JAKMIP2: variants seen among roughly 807,000 people sequenced by gnomAD.
JAKMIP2 encodes the protein janus kinase and microtubule interacting protein 2, also known as janus kinase and microtubule-interacting protein 2.
A neutral mutation model predicts 115.0 loss-of-function variants in JAKMIP2; 25 were observed. The observed-to-expected ratio is 0.22, with a 90% CI of 0.16 to 0.30. JAKMIP2 has a LOEUF of 0.30. JAKMIP2 is among the 10% of genes least tolerant of loss of function. The probability of loss-of-function intolerance (pLI) is 1.00; values close to 1 mark genes in which losing one functional copy is unlikely to be tolerated. For synonymous variants in JAKMIP2, 334 were observed against 343.6 expected (o/e 0.97, Z 0.31); for missense variants, 642 against 957.6 (o/e 0.67, Z 4.35).
chr5:147,686,862 C>G (rs987875991), intron 1 of JAKMIP2, among the ~76,000 whole-genome samples: 1 of 152,098 alleles, frequency 6.6e-6, no homozygotes, highest in Non-Finnish European at 1.5e-5. Flanking sequence ...TTCTTTATTA[C>G]CTGGCACATG....
At chr5:147,711,368 C>T (rs1271812046) in intron 1 of JAKMIP2, among the ~76,000 whole-genome samples, 20 of 152,084 alleles carry the variant, frequency 1.3e-4, no homozygotes, top group Non-Finnish European at 2.9e-5. Flanking sequence ...GCATTGGGTA[C>T]TTTGCTTGGA....
intron 17 of JAKMIP2, among the ~76,000 whole-genome samples, chr5:147,621,808 A>C (rs548162863): frequency 5.5e-4 from 84 of 152,356 alleles, no homozygotes; most frequent in Non-Finnish European, 9.6e-4. Flanking sequence ...TCCCTCATCC[A>C]ATAGGAATCC....
rs1051284780 is a variant in JAKMIP2, at chr5:147,588,629, G to A, written c.*3078C>T. 7 of 151,818 alleles carry A rather than the reference G, an allele frequency of 4.6e-5. No homozygotes were observed. Among genetic ancestry groups the A allele is most frequent in the African/African-American group, 7.3e-5 (3 of 41,342 alleles). 9.4% of individuals were successfully genotyped at this position (151,818 alleles called of 1,614,324 possible). A position where few individuals can be genotyped will look rare whatever the true frequency, so the allele number is the denominator to read the frequency against. On this transcript the variant is annotated 3_prime_UTR_variant, in exon 22 of 22. Transcript: ENST00000616793. ...ATTTTGAGGCTCATGAGCAAGAGTT[G>A]GTAAAAATTACAGTTCAGTCTATAG...
chr5:147,603,162 A>G (rs2126590435), intron 20 of JAKMIP2, among the ~76,000 whole-genome samples: 1 of 152,272 alleles, frequency 6.6e-6, no homozygotes, highest in African/African-American at 2.4e-5. Flanking sequence ...AGATCATGCC[A>G]TTTGGAGTCA....
rs1357689257 is a variant in JAKMIP2, at chr5:147,644,985, C to A, written c.948G>T (p.Val316=). 3 of 1,612,564 alleles carry A rather than the reference C, an allele frequency of 1.9e-6. No homozygotes were observed. Among genetic ancestry groups the A allele is most frequent in the Non-Finnish European group, 2.5e-6 (3 of 1,179,796 alleles). ...GDERNELLKR[V]RETEKQCKPL... ...GTTTACATTGCTTTTCGGTTTCCCGCACACGTTTTAACTGGGAAGAAATAA... is the reference window on the plus strand; with the variant it reads ...GTTTACATTGCTTTTCGGTTTCCCGAACACGTTTTAACTGGGAAGAAATAA... Residue 316 remains valine, a synonymous_variant, in exon 6 of 22, where the codon GTG becomes GTT. Coordinates refer to ENST00000616793, the MANE Select transcript of JAKMIP2 (RefSeq NM_001270941.2).
intron 1 of JAKMIP2, among the ~76,000 whole-genome samples, chr5:147,777,948 G>A (rs191452630): frequency 6.6e-6 from 1 of 152,220 alleles, no homozygotes; most frequent in African/African-American, 2.4e-5. Context: ...ATATCAGAAA[G>A]TCGTTGAACT....
At chr5:147,698,930 T>C (rs1219283247) in intron 1 of JAKMIP2, among the ~76,000 whole-genome samples, 2 of 152,172 alleles carry the variant, frequency 1.3e-5, no homozygotes, top group Non-Finnish European at 2.9e-5. Flanking sequence ...AAATGCCACC[T>C]CCTCAGCTCT....
chr5:147,743,662 T>G (rs1343823977), intron 1 of JAKMIP2, among the ~76,000 whole-genome samples: 1 of 152,218 alleles, frequency 6.6e-6, no homozygotes, highest in Non-Finnish European at 1.5e-5. Flanking sequence ...GTGAATATCC[T>G]AATGAGTATA....
intron 1 of JAKMIP2, among the ~76,000 whole-genome samples, chr5:147,675,601 A>C (rs1272156942): frequency 1.3e-5 from 2 of 151,800 alleles, no homozygotes; most frequent in African/African-American, 4.8e-5. Flanking sequence ...ATCACAATCA[A>C]TTTTAGAACA....
intron 1 of JAKMIP2, 120 bp downstream of exon 1, chr5:147,782,336 C>T (rs1382672187): frequency 1.0e-6 from 1 of 987,722 alleles, no homozygotes; most frequent in Non-Finnish European, 1.5e-6. Context: ...TCTGTCTCCA[C>T]ATCTCCCCCT....
chr5:147,614,769 C>T (rs1022756652), intron 19 of JAKMIP2, among the ~76,000 whole-genome samples: 4 of 152,182 alleles, frequency 2.6e-5, no homozygotes, highest in Admixed American at 6.5e-5. Flanking sequence ...AGCTCTGCAA[C>T]GTCTCCTCCT....
intron 1 of JAKMIP2, among the ~76,000 whole-genome samples, chr5:147,750,935 TCTG>T (rs1754529496): frequency 6.6e-6 from 1 of 152,128 alleles, no homozygotes; most frequent in Admixed American, 6.5e-5. Flanking sequence ...AGAAAAAAAT[TCTG>T]CTATTTAAGC....
intron 20 of JAKMIP2, among the ~76,000 whole-genome samples, chr5:147,604,499 T>C (rs1319477255): frequency 6.6e-6 from 1 of 152,122 alleles, no homozygotes; most frequent in African/African-American, 2.4e-5. Flanking sequence ...TATAAAAATC[T>C]GGATGCCTGG....
intron 1 of JAKMIP2, among the ~76,000 whole-genome samples, chr5:147,678,957 A>ATTTT (rs1760117613): frequency 1.4e-5 from 2 of 144,610 alleles, no homozygotes; most frequent in South Asian, 4.5e-4. Context: ...GTCCAACTAC[A>ATTTT]TTTTTATTTA....
intron 1 of JAKMIP2, among the ~76,000 whole-genome samples, chr5:147,679,225 C>T (rs1234768431): frequency 6.6e-6 from 1 of 152,100 alleles, no homozygotes; most frequent in Non-Finnish European, 1.5e-5. Context: ...AAGAGATCTG[C>T]CCACCTTGGC....
chr5:147,595,394 G>T (rs1309060270), intron 21 of JAKMIP2: 3 of 455,614 alleles, frequency 6.6e-6, no homozygotes, highest in South Asian at 3.1e-5. Context: ...AGGCTCTTTT[G>T]CCCCTCTGTT....
chr5:147,654,412 T>C (rs1758571768), intron 3 of JAKMIP2, among the ~76,000 whole-genome samples: 1 of 152,146 alleles, frequency 6.6e-6, no homozygotes. Flanking sequence ...GTAGCTCCCC[T>C]TGAAGAGGTC....
chr5:147,663,674 C>T (rs1032442773), intron 2 of JAKMIP2, among the ~76,000 whole-genome samples: 1 of 152,194 alleles, frequency 6.6e-6, no homozygotes, highest in African/African-American at 2.4e-5. Context: ...TTAGCTAGAA[C>T]AGTATTTTCT....
intron 16 of JAKMIP2, 25 bp downstream of exon 16, chr5:147,628,726 T>C: frequency 6.3e-7 from 1 of 1,593,400 alleles, no homozygotes; most frequent in Non-Finnish European, 8.6e-7. Flanking sequence ...CCGAGATGAT[T>C]TGAAATGTTT....
Sources: allele counts gnomAD v4.1 joint callset (sites outside exome capture counted in the v4.1 genomes callset), GRCh38; gene constraint gnomAD v4.1.1; transcripts MANE v1.5; gene names NCBI Gene and HGNC (gene_info 2026-07-23, HGNC 2026-07-21).